Variants in SPOCK1 observed in about 807,000 individuals in gnomAD.
The protein encoded by SPOCK1 is SPARC (osteonectin), cwcv and kazal like domains proteoglycan 1, also known as testican-1.
In SPOCK1, 23 loss-of-function variants were observed where a neutral mutation model predicts 55.3. That is an observed-to-expected ratio of 0.42 (90% CI 0.30 to 0.59). SPOCK1 has a LOEUF of 0.59. SPOCK1 is among the 20% of genes least tolerant of loss of function. The pLI is 0.22. For missense variants in SPOCK1, 499 were observed against 552.5 expected (o/e 0.90, Z 0.97); for synonymous variants, 226 against 221.0 (o/e 1.02, Z -0.20).
intron 2 of SPOCK1, among the ~76,000 whole-genome samples, chr5:137,436,173 T>C (rs887518691): frequency 1.3e-5 from 2 of 152,142 alleles, no homozygotes; most frequent in Non-Finnish European, 2.9e-5. Context: ...ACTATATATA[T>C]ATTAATTCTG....
At chr5:137,211,023 C>G (rs1383012234) in intron 3 of SPOCK1, among the ~76,000 whole-genome samples, 2 of 152,202 alleles carry the variant, frequency 1.3e-5, no homozygotes, top group South Asian at 4.1e-4. Context: ...AGCAGAGAGA[C>G]AAGCTGGGGT....
intron 2 of SPOCK1, among the ~76,000 whole-genome samples, chr5:137,424,002 A>C (rs1289452544): frequency 6.7e-6 from 1 of 150,276 alleles, no homozygotes; most frequent in Non-Finnish European, 1.5e-5. Flanking sequence ...TTTTTTTTCC[A>C]TACAGATACC....
Position 137,079,541 on chromosome 5 carries a change from C to CT in SPOCK1, c.475-11713_475-11712insA, listed in dbSNP as rs983716890. On this transcript the variant is annotated intron_variant, in intron 5 of 10. Coordinates refer to ENST00000394945, the MANE Select transcript of SPOCK1 (RefSeq NM_004598.4). ...CTACCATCCCATCTGATTCCCCCCC[C>CT]CCCCGACTTAGTGAAATGTCGTACC... 3.6e-3 allele frequency among the ~76,000 whole-genome samples: 536 copies of CT among 149,588 alleles called. 23 individuals are homozygous for CT. The highest frequency in any genetic ancestry group is 0.012 in the African/African-American group (480 of 40,058).
At chr5:137,365,490 G>C (rs368879731) in intron 2 of SPOCK1, 2 of 152,238 alleles carry the variant, frequency 1.3e-5, no homozygotes, top group East Asian at 3.8e-4. Context: ...AGAGGACTCT[G>C]AGAAATTGCC....
At chr5:137,101,739 T>G (rs888146369) in intron 5 of SPOCK1, among the ~76,000 whole-genome samples, 3 of 152,218 alleles carry the variant, frequency 2.0e-5, no homozygotes, top group Non-Finnish European at 4.4e-5. Context: ...AAAGTTTATC[T>G]TCAGGAGCCA....
At chr5:137,409,285 G>A (rs1047549428) in intron 2 of SPOCK1, among the ~76,000 whole-genome samples, 10 of 152,216 alleles carry the variant, frequency 6.6e-5, no homozygotes, top group African/African-American at 2.4e-4. Context: ...CCCTTCATAG[G>A]AGACATAAGC....
chr5:137,295,800 T>C (rs1757467416), intron 2 of SPOCK1, among the ~76,000 whole-genome samples: 1 of 152,208 alleles, frequency 6.6e-6, no homozygotes, highest in South Asian at 2.1e-4. Flanking sequence ...TATATTAAAA[T>C]AATAAATACA....
intron 2 of SPOCK1, among the ~76,000 whole-genome samples, chr5:137,491,515 C>T (rs939385217): frequency 2.6e-5 from 4 of 152,168 alleles, no homozygotes; most frequent in African/African-American, 9.7e-5. Context: ...TTCATTCCAA[C>T]ATTCAATGAG....
intron 4 of SPOCK1, among the ~76,000 whole-genome samples, chr5:137,117,541 C>T (rs867247238): frequency 4.6e-5 from 7 of 152,198 alleles, no homozygotes; most frequent in Admixed American, 1.3e-4. Flanking sequence ...AATAGGGGAA[C>T]ACTTGGCACA....
At chr5:137,039,491 G>C (rs1228387405) in intron 6 of SPOCK1, among the ~76,000 whole-genome samples, 1 of 152,032 alleles carries the variant, frequency 6.6e-6, no homozygotes, top group Non-Finnish European at 1.5e-5. Context: ...CCTGTATGCT[G>C]ACCTTTGCAG....
chr5:136,986,758 T>A (rs931576122), intron 8 of SPOCK1, among the ~76,000 whole-genome samples: 5 of 152,100 alleles, frequency 3.3e-5, no homozygotes, highest in African/African-American at 4.8e-5. Flanking sequence ...ATAATAATTG[T>A]TAGAACAAAA....
chr5:137,152,430 G>C (rs1264341362), intron 3 of SPOCK1, among the ~76,000 whole-genome samples: 1 of 152,208 alleles, frequency 6.6e-6, no homozygotes, highest in Non-Finnish European at 1.5e-5. Flanking sequence ...ACTGCACATG[G>C]AAGACAGTTG....
intron 3 of SPOCK1, among the ~76,000 whole-genome samples, chr5:137,212,118 A>G (rs1237106281): frequency 6.6e-6 from 1 of 152,188 alleles, no homozygotes. Context: ...CCATCTTGTG[A>G]GAGTGAGCCC....
chr5:137,096,962 A>T lies in SPOCK1; in HGVS notation c.474+15473T>A, dbSNP rs186567455. On this transcript the variant is annotated intron_variant, in intron 5 of 10. Coordinates refer to ENST00000394945, the MANE Select transcript of SPOCK1 (RefSeq NM_004598.4). ...AGGGAGCACAGGAGCATTAATAATAACTGAGTCTCCCTCTCTGCATTATCT... is the reference window on the plus strand; with the variant it reads ...AGGGAGCACAGGAGCATTAATAATATCTGAGTCTCCCTCTCTGCATTATCT... Among the ~76,000 whole-genome samples, 26 of 152,334 alleles carry T rather than the reference A, an allele frequency of 1.7e-4. 1 individual carries two copies. The East Asian group carries it at 3.5e-3, about 20-fold the overall frequency.
At chr5:137,394,270 T>C (rs991671445) in intron 2 of SPOCK1, among the ~76,000 whole-genome samples, 1 of 152,232 alleles carries the variant, frequency 6.6e-6, no homozygotes, top group Non-Finnish European at 1.5e-5. Context: ...TGTAAAACTC[T>C]TTATTAAGAC....
At chr5:137,482,301 A>G (rs1006077130) in intron 2 of SPOCK1, among the ~76,000 whole-genome samples, 4 of 152,194 alleles carry the variant, frequency 2.6e-5, no homozygotes, top group Non-Finnish European at 5.9e-5. Flanking sequence ...CCACTATCCT[A>G]TGGACTTGAT....
At chr5:137,282,300 C>T (rs1469658986) in intron 2 of SPOCK1, among the ~76,000 whole-genome samples, 1 of 152,246 alleles carries the variant, frequency 6.6e-6, no homozygotes, top group Non-Finnish European at 1.5e-5. Flanking sequence ...GTGATAGCTG[C>T]ATTGGAAAAG....
chr5:137,206,695 C>T (rs542223054), intron 3 of SPOCK1, among the ~76,000 whole-genome samples: 90 of 152,312 alleles, frequency 5.9e-4, no homozygotes, highest in Admixed American at 2.0e-3. Context: ...TAATATGTTA[C>T]AACCAGCATA....
intron 6 of SPOCK1, among the ~76,000 whole-genome samples, chr5:136,998,620 C>T (rs1028904355): frequency 1.3e-5 from 2 of 152,174 alleles, no homozygotes; most frequent in Admixed American, 1.3e-4. Context: ...TCAGGCCTTG[C>T]CTTGCGTAGG....
Sources: gnomAD v4.1 joint callset for allele counts (sites outside exome capture counted in the v4.1 genomes callset) on GRCh38, gnomAD v4.1.1 for gene constraint, MANE v1.5 for transcripts, NCBI Gene and HGNC (gene_info 2026-07-23, HGNC 2026-07-21) for gene names.